The following NBEA variants were observed in gnomAD, a reference collection of about 807,000 sequenced individuals.
The protein encoded by NBEA is lysosomal-trafficking regulator 2.
In NBEA, 44 loss-of-function variants were observed where a neutral mutation model predicts 343.4. The ratio of observed to expected loss-of-function variants is 0.13; its 90% CI spans 0.10 to 0.16. The LOEUF (loss-of-function observed/expected upper bound fraction) is 0.16. Among genes scored for constraint, NBEA ranks in the 10% least tolerant of loss-of-function variants. The pLI, the probability that NBEA is intolerant of heterozygous loss-of-function variation, is 1.00. For missense variants in NBEA, 2,555 were observed against 3,631.3 expected, an observed-to-expected ratio of 0.70 and a Z score of 7.62; for synonymous variants, 1,175 against 1,238.7, an observed-to-expected ratio of 0.95 and a Z score of 1.08.
intron 41 of NBEA, among the ~76,000 whole-genome samples, chr13:35,511,294 G>A (rs1245222537): frequency 6.6e-6 from 1 of 152,104 alleles, no homozygotes; most frequent in Non-Finnish European, 1.5e-5. Context: ...TGCTTACAAT[G>A]ACTGGACTTT....
chr13:35,178,671 T>G (rs1208594918), intron 28 of NBEA, among the ~76,000 whole-genome samples: 1 of 151,748 alleles, frequency 6.6e-6, no homozygotes, highest in East Asian at 1.9e-4. Flanking sequence ...TATGCTTTTT[T>G]GTAGTTTTAA....
chr13:34,960,612 C>T (rs1239985333), intron 1 of NBEA, among the ~76,000 whole-genome samples: 1 of 151,930 alleles, frequency 6.6e-6, no homozygotes, highest in Non-Finnish European at 1.5e-5. Flanking sequence ...TATATTTTTA[C>T]TGTATCTTTT....
At chr13:35,465,177 A>C (rs1006536184) in intron 40 of NBEA, among the ~76,000 whole-genome samples, 8 of 152,080 alleles carry the variant, frequency 5.3e-5, no homozygotes, top group African/African-American at 1.9e-4. Flanking sequence ...TTTCAGAAAA[A>C]CATAAAAGAT....
At chr13:35,011,122 G>T (rs552141583) in intron 1 of NBEA, among the ~76,000 whole-genome samples, 1 of 152,154 alleles carries the variant, frequency 6.6e-6, no homozygotes, top group African/African-American at 2.4e-5. Flanking sequence ...GCTCTGTATA[G>T]TCCTGAGGGT....
chr13:35,592,846 T>G (rs1026138850), intron 46 of NBEA, among the ~76,000 whole-genome samples: 2 of 102,410 alleles, frequency 2.0e-5, no homozygotes, highest in Non-Finnish European at 4.0e-5. Context: ...ACTAATACTT[T>G]CGTAGTCTTT....
intron 17 of NBEA, among the ~76,000 whole-genome samples, chr13:35,138,753 C>G (rs971096493): frequency 4.6e-5 from 7 of 152,010 alleles, no homozygotes; most frequent in Non-Finnish European, 7.4e-5. Context: ...AGCCACTGCG[C>G]TCGGCCAATT....
chr13:35,506,734 G>A (rs1422825812), intron 41 of NBEA, among the ~76,000 whole-genome samples: 1 of 152,140 alleles, frequency 6.6e-6, no homozygotes, highest in Non-Finnish European at 1.5e-5. Flanking sequence ...TTTGTCACAA[G>A]TCATAGAGCC....
At chr13:35,606,797 T>C (rs908563857) in intron 48 of NBEA, among the ~76,000 whole-genome samples, 1 of 152,206 alleles carries the variant, frequency 6.6e-6, no homozygotes, top group Non-Finnish European at 1.5e-5. Context: ...AATAAAGCAA[T>C]GGTAATTCAG....
At chr13:35,231,795 A>G (rs954132850) in intron 33 of NBEA, among the ~76,000 whole-genome samples, 1 of 152,148 alleles carries the variant, frequency 6.6e-6, no homozygotes, top group African/African-American at 2.4e-5. Context: ...CTTACTCCAA[A>G]GCACTTTTAT....
At chr13:35,509,007 C>A (rs1254772017) in intron 41 of NBEA, among the ~76,000 whole-genome samples, 2 of 152,178 alleles carry the variant, frequency 1.3e-5, no homozygotes, top group African/African-American at 2.4e-5. Context: ...AATGGATATG[C>A]CTTTTACCTG....
At chr13:35,138,482 T>C (rs2152691928) in intron 17 of NBEA, among the ~76,000 whole-genome samples, 1 of 148,758 alleles carries the variant, frequency 6.7e-6, no homozygotes, top group South Asian at 2.2e-4. Flanking sequence ...TTTTTCGAGA[T>C]GGAGTTTTGC....
chr13:35,303,166 G>A (rs1316905001), intron 35 of NBEA, among the ~76,000 whole-genome samples: 2 of 152,026 alleles, frequency 1.3e-5, no homozygotes, highest in Non-Finnish European at 2.9e-5. Flanking sequence ...TTCATAATTA[G>A]TAATACTTTT....
intron 1 of NBEA, among the ~76,000 whole-genome samples, chr13:34,943,692 C>A (rs562906832): frequency 1.3e-5 from 2 of 152,308 alleles, no homozygotes; most frequent in South Asian, 4.1e-4. Context: ...TATCCATCCC[C>A]CTCCATCTCA....
chr13:35,240,080 A>G (rs1414255527), intron 34 of NBEA, among the ~76,000 whole-genome samples: 1 of 151,476 alleles, frequency 6.6e-6, no homozygotes, highest in Non-Finnish European at 1.5e-5. Flanking sequence ...TGCACCAACC[A>G]ATAATAACTG....
At chr13:34,983,484 G>T (rs543197986) in intron 1 of NBEA, among the ~76,000 whole-genome samples, 2 of 151,758 alleles carry the variant, frequency 1.3e-5, no homozygotes, top group South Asian at 2.1e-4. Context: ...CAATAAACAT[G>T]TGTGCATGTG....
intron 45 of NBEA, among the ~76,000 whole-genome samples, chr13:35,574,593 A>G (rs1387843153): frequency 6.6e-6 from 1 of 152,050 alleles, no homozygotes; most frequent in Non-Finnish European, 1.5e-5. Context: ...CATTCCTGTG[A>G]AAGTGCCTAA....
chr13:35,523,596 GT>G (rs2077824016), intron 41 of NBEA, among the ~76,000 whole-genome samples: 1 of 152,106 alleles, frequency 6.6e-6, no homozygotes, highest in South Asian at 2.1e-4. Flanking sequence ...TGCCCAATGA[GT>G]TACTATGTAA....
chr13:35,522,335 G>A (rs2077757464), intron 41 of NBEA, among the ~76,000 whole-genome samples: 1 of 151,840 alleles, frequency 6.6e-6, no homozygotes, highest in Admixed American at 6.6e-5. Context: ...AGGTATGGTG[G>A]CGCATGCCTG....
At chr13:35,596,917 A>T (rs1213550687) in intron 47 of NBEA, among the ~76,000 whole-genome samples, 1 of 152,076 alleles carries the variant, frequency 6.6e-6, no homozygotes, top group African/African-American at 2.4e-5. Flanking sequence ...AAAAAGAAAG[A>T]AAAGAGATGG....
Sources: allele counts gnomAD v4.1 joint callset (sites outside exome capture counted in the v4.1 genomes callset), GRCh38; gene constraint gnomAD v4.1.1; transcripts MANE v1.5; gene names NCBI Gene and HGNC (gene_info 2026-07-23, HGNC 2026-07-21).